The following G3BP1 variants were observed in gnomAD, a reference collection of about 807,000 sequenced individuals.
G3BP1 encodes ras GTPase-activating protein-binding protein 1.
In G3BP1, 35 loss-of-function variants were observed where a neutral mutation model predicts 58.6. The ratio of observed to expected loss-of-function variants is 0.60; its 90% CI spans 0.46 to 0.79. The LOEUF (loss-of-function observed/expected upper bound fraction) is 0.79. Among genes scored for constraint, G3BP1 ranks in the 30% least tolerant of loss-of-function variants. G3BP1 has a pLI of 0.00. For synonymous variants in G3BP1, 191 were observed against 195.4 expected, an observed-to-expected ratio of 0.98 and a Z score of 0.19; for missense variants, 523 against 580.8, an observed-to-expected ratio of 0.90 and a Z score of 1.02.
At chr5:151,792,223 A>G (rs781663622) in intron 4 of G3BP1, 27 of 382,924 alleles carry the variant, frequency 7.1e-5, no homozygotes, top group Non-Finnish European at 1.3e-4. Flanking sequence ...TGTCTGCTTA[A>G]GCATGTATAT....
At chr5:151,800,116 T>G (rs1561537346) in intron 9 of G3BP1, 102 bp from the exon 10 acceptor site, 11 of 1,231,484 alleles carry the variant, frequency 8.9e-6, no homozygotes, top group Non-Finnish European at 1.2e-5. Flanking sequence ...GTTGATGGAA[T>G]TACCTGTTTT....
Position 151,797,252 on chromosome 5 carries a change from G to A in G3BP1, c.565G>A (p.Glu189Lys). ...TAATGACATGGAAGAACATTTAGAG[G>A]AGCCTGTTGCTGAACCAGAGCCTGA... is the stretch of plus-strand genomic sequence containing the variant. ...VSNDMEEHLEEPVAEPEPDPE... is the reference protein window; with the variant it reads ...VSNDMEEHLEKPVAEPEPDPE... Residue 189 changes from glutamate (E) to lysine (K), a missense_variant, in exon 7 of 12, where the codon GAG becomes AAG. Transcript: ENST00000356245. The A allele has an allele frequency of 6.2e-7, 1 of 1,613,260 alleles. No homozygotes were observed. Among genetic ancestry groups the A allele is most frequent in the Non-Finnish European group, 8.5e-7 (1 of 1,179,272 alleles).
rs1044651143 is a variant in G3BP1, at chr5:151,797,244, A to G, written c.557A>G (p.His186Arg). 3.1e-6 allele frequency: 5 copies of G among 1,613,538 alleles called. No homozygotes were observed. Among genetic ancestry groups the G allele is most frequent in the African/African-American group, 1.3e-5 (1 of 74,918 alleles). Residue 186 changes from histidine to arginine, a missense_variant, in exon 7 of 12, where the codon CAT (histidine) becomes CGT (arginine). His to Arg is a conservative substitution (Grantham distance 29, BLOSUM62 0). This residue lies in a region of G3BP1 where 398 missense variants were observed against 399.1 expected (regional missense o/e 1.00). Transcript: ENST00000356245. ...QAVVSNDMEE[H>R]LEEPVAEPEP... ...TGTCAAAGTAATGACATGGAAGAAC[A>G]TTTAGAGGAGCCTGTTGCTGAACCA...
chr5:151,780,411 T>C (rs2113219772), intron 1 of G3BP1, among the ~76,000 whole-genome samples: 1 of 152,340 alleles, frequency 6.6e-6, no homozygotes, highest in East Asian at 1.9e-4. Context: ...TTTTATTTTG[T>C]TGGAGTGAGC....
In G3BP1 at chr5:151,800,312, A is replaced by C; in HGVS notation, c.1050A>C (p.Glu350Asp). Residue 350 changes from glutamate (E) to aspartate (D), a missense_variant, in exon 10 of 12, where the codon GAA (glutamate) becomes GAC (aspartate). This residue lies in a region of G3BP1 where 125 missense variants were observed against 181.7 expected (regional missense o/e 0.69). Transcript: ENST00000356245. ...TCTTCATTGGCAACCTGCCTCATGA[A>C]GTGGACAAATCAGAGCTTAAAGATT... ...HQLFIGNLPH[E>D]VDKSELKDFF... 1.2e-6 allele frequency: 2 copies of C among 1,613,372 alleles called. No homozygotes were observed. Among genetic ancestry groups the C allele is most frequent in the South Asian group, 2.2e-5 (2 of 91,070 alleles).
chr5:151,772,263 T>G (rs986606648), intron 1 of G3BP1: 2 of 148,568 alleles, frequency 1.3e-5, no homozygotes, highest in Non-Finnish European at 3.0e-5. Flanking sequence ...GTCCGCCGCG[T>G]GCGCGTGCTG....
intron 7 of G3BP1, 123 bp from the exon 8 acceptor site, chr5:151,799,089 T>A: frequency 3.1e-6 from 2 of 652,630 alleles, no homozygotes; most frequent in Non-Finnish European, 5.5e-6. Context: ...TATATATATA[T>A]AAACTCCATC....
intron 1 of G3BP1, among the ~76,000 whole-genome samples, chr5:151,781,024 G>GA (rs1762462049): frequency 6.6e-6 from 1 of 151,906 alleles, no homozygotes; most frequent in Admixed American, 6.6e-5. Context: ...GAATATATTG[G>GA]AAAATTTTTT....
chr5:151,780,732 C>T (rs1393983849), intron 1 of G3BP1, among the ~76,000 whole-genome samples: 3 of 152,096 alleles, frequency 2.0e-5, no homozygotes, highest in Non-Finnish European at 4.4e-5. Flanking sequence ...CCAGGATGGT[C>T]TCTATCTCCT....
At position 151,808,675 on chromosome 5, in the gene G3BP1, T is replaced by C. The variant is rs1762971683; in HGVS notation, c.*4584T>C. The C allele has an allele frequency of 6.6e-6, 1 of 152,228 alleles. No individual in the cohort carries two copies. Among genetic ancestry groups the C allele is most frequent in the Admixed American group, 6.5e-5 (1 of 15,294 alleles). The allele number at this position is 152,228 out of a possible 1,614,324, so 9.4% of individuals were successfully genotyped here. Reference sequence around the variant, plus strand: ...TGAAATGTGGCCAGTGTCCCAGATTTGTAAGGTACAGTGTGCATACAGTGT... The same window carrying C: ...TGAAATGTGGCCAGTGTCCCAGATTCGTAAGGTACAGTGTGCATACAGTGT... On this transcript the variant is annotated 3_prime_UTR_variant, in exon 12 of 12. Coordinates refer to ENST00000356245, the MANE Select transcript of G3BP1 (RefSeq NM_005754.3).
At chr5:151,795,209 G>C (rs896066639) in intron 5 of G3BP1, among the ~76,000 whole-genome samples, 2 of 152,148 alleles carry the variant, frequency 1.3e-5, no homozygotes, top group Admixed American at 6.5e-5. Flanking sequence ...CCAGGAGGTG[G>C]GGCTTTCAAT....
rs755792700 is a variant in G3BP1 at position 151,799,906 on chromosome 5, G to A, written c.861G>A (p.Lys287=). Residue 287 remains lysine (K), a synonymous_variant, in exon 9 of 12, where the codon AAG becomes AAA. Coordinates refer to ENST00000356245, the MANE Select transcript of G3BP1 (RefSeq NM_005754.3). Reference sequence around the variant, plus strand: ...TTTTTCAGCCCCGTCCAGAGTCTAAGCCTGAATCTCAGATTCCACCACAAA... The same window carrying A: ...TTTTTCAGCCCCGTCCAGAGTCTAAACCTGAATCTCAGATTCCACCACAAA... The part of the protein sequence containing the change: ...VPASQPRPES[K]PESQIPPQRP... The A allele has an allele frequency of 2.5e-5, 40 of 1,610,504 alleles. No homozygotes were observed. The highest frequency in any genetic ancestry group is 1.6e-4 in the Middle Eastern group (1 of 6,070).
chr5:151,784,987 G>A (rs1762534069), intron 1 of G3BP1, among the ~76,000 whole-genome samples: 1 of 152,152 alleles, frequency 6.6e-6, no homozygotes, highest in Admixed American at 6.5e-5. Context: ...TTCTGAAGTT[G>A]ACAGTCTCAA....
intron 1 of G3BP1, chr5:151,772,799 G>T (rs1008127376): frequency 3.9e-5 from 6 of 152,260 alleles, no homozygotes; most frequent in Non-Finnish European, 5.9e-5. Flanking sequence ...CGCTTCCCAA[G>T]CCTGTTTTTA....
At chr5:151,781,402 C>A (rs1274196689) in intron 1 of G3BP1, among the ~76,000 whole-genome samples, 1 of 152,222 alleles carries the variant, frequency 6.6e-6, no homozygotes, top group African/African-American at 2.4e-5. Flanking sequence ...TATCTGCTTA[C>A]AACACTGTGT....
intron 7 of G3BP1, among the ~76,000 whole-genome samples, chr5:151,798,581 A>G (rs934595376): frequency 6.6e-6 from 1 of 152,240 alleles, no homozygotes; most frequent in Admixed American, 6.5e-5. Context: ...CGATGTTTGT[A>G]CAATGGATTG....
In G3BP1 at chr5:151,795,603, G is replaced by A. The variant is rs747057041; in HGVS notation, c.539+28G>A. ...AAGAAGATTTTGTTCACATGTCCGGGGCTGCATAAGAACTTGCATTGTCTA... is the reference window on the plus strand; with the variant it reads ...AAGAAGATTTTGTTCACATGTCCGGAGCTGCATAAGAACTTGCATTGTCTA... On this transcript the variant is annotated intron_variant, in intron 6 of 11. Coordinates refer to ENST00000356245, the MANE Select transcript of G3BP1 (RefSeq NM_005754.3). The A allele has an allele frequency of 4.5e-6, 5 of 1,123,486 alleles. No homozygotes were observed. The Admixed American group carries it at 9.1e-5, about 20-fold the overall frequency. 69.6% of individuals were successfully genotyped at this position (1,123,486 alleles called of 1,614,324 possible). A position where few individuals can be genotyped will look rare whatever the true frequency, so the allele number is the denominator to read the frequency against.
At chr5:151,795,942 C>A (rs749185482) in intron 6 of G3BP1, among the ~76,000 whole-genome samples, 3 of 152,058 alleles carry the variant, frequency 2.0e-5, no homozygotes, top group Non-Finnish European at 4.4e-5. Flanking sequence ...AGAGATCGGG[C>A]ATAAATTGAT....
rs1762948934 is a variant in G3BP1, at chr5:151,807,157, A to G, written c.*3066A>G. 1 of 152,222 alleles carries G rather than the reference A, an allele frequency of 6.6e-6. No homozygotes were observed. The highest frequency in any genetic ancestry group is 2.1e-4 in the South Asian group (1 of 4,832). 9.4% of individuals were successfully genotyped at this position (152,222 alleles called of 1,614,324 possible). ...TTTGACTTTGGTTGAGTATGTCATT[A>G]CCACAGTGTTAGTTGAATTGCACTT... On this transcript the variant is annotated 3_prime_UTR_variant, in exon 12 of 12. Transcript: ENST00000356245.
Sources: gnomAD v4.1 joint callset for allele counts (sites outside exome capture counted in the v4.1 genomes callset) on GRCh38, gnomAD v4.1.1 for gene constraint, gnomAD v4.1.1 regional missense constraint, MANE v1.5 for transcripts, NCBI Gene and HGNC (gene_info 2026-07-23, HGNC 2026-07-21) for gene names.